FMN1: variants seen among roughly 807,000 people sequenced by gnomAD.
FMN1 encodes the protein formin-1.
FMN1 carries 110 observed loss-of-function variants against 132.4 expected under a neutral mutation model. That is an observed-to-expected ratio of 0.83 (90% CI 0.71 to 0.97). The LOEUF is 0.97. FMN1 is among the 50% of genes least tolerant of loss of function. FMN1 has a pLI of 0.00. For missense variants in FMN1, 1,792 were observed against 1,705.3 expected (o/e 1.05, Z -0.90); for synonymous variants, 722 against 651.7 (o/e 1.11, Z -1.64).
chr15:33,076,457 A>G, intron 5 of FMN1, among the ~76,000 whole-genome samples: 1 of 152,182 alleles, frequency 6.6e-6, no homozygotes, highest in East Asian at 1.9e-4. Flanking sequence ...TCGAACTCCA[A>G]AGATCCAGGT....
intron 16 of FMN1, among the ~76,000 whole-genome samples, chr15:32,864,100 A>G (rs1257699617): frequency 6.6e-6 from 1 of 152,218 alleles, no homozygotes; most frequent in Non-Finnish European, 1.5e-5. Context: ...TTTTGTGGCT[A>G]TCTACTGTAC....
chr15:32,963,286 T>C lies in FMN1; in HGVS notation c.3138+821A>G, dbSNP rs889154745. Among the ~76,000 whole-genome samples, 37 of 139,994 alleles carry C rather than the reference T, an allele frequency of 2.6e-4. No homozygotes were observed. In the Admixed American group the frequency reaches 3.1e-3, roughly 12 times the overall value. 91.8% of individuals were successfully genotyped at this position (139,994 alleles called of 152,430 possible). On this transcript the variant is annotated intron_variant, in intron 9 of 20. Coordinates refer to ENST00000616417, the MANE Select transcript of FMN1 (RefSeq NM_001277313.2). ...CATATTCTCACTCATAGGTGGATAC[T>C]GAACAATGAGAACACGTGGACACAG...
rs117451140 is a variant in FMN1 at position 32,815,277 on chromosome 15, T to C, written c.3929-10945A>G. Reference sequence around the variant, plus strand: ...TTTTTATTTCTTCTTTAAAGTAGTGTTCTTCAAAAGCAACTCTCATTTTTT... The same window carrying C: ...TTTTTATTTCTTCTTTAAAGTAGTGCTCTTCAAAAGCAACTCTCATTTTTT... On this transcript the variant is annotated intron_variant, in intron 17 of 20. Transcript: ENST00000616417. 3.8e-3 allele frequency among the ~76,000 whole-genome samples: 584 copies of C among 152,276 alleles called. 22 individuals carry two copies. In the East Asian group the frequency reaches 0.084, roughly 22 times the overall value.
Position 33,004,888 on chromosome 15 carries a change from G to A in FMN1, c.2223+3126C>T, listed in dbSNP as rs542076883. Among the ~76,000 whole-genome samples the A allele has an allele frequency of 8.9e-3, 1,351 of 152,216 alleles. 26 individuals are homozygous for A. Among genetic ancestry groups the A allele is most frequent in the African/African-American group, 0.031 (1,288 of 41,508 alleles). On this transcript the variant is annotated intron_variant, in intron 7 of 20. Coordinates refer to ENST00000616417, the MANE Select transcript of FMN1 (RefSeq NM_001277313.2). ...AAATGATGAGTTCATGTCCTTTGTA[G>A]GGACATGGATGAAGCTGGAAACCAT... is the stretch of plus-strand genomic sequence containing the variant.
chr15:32,832,040 A>G (rs1435880767), intron 17 of FMN1, among the ~76,000 whole-genome samples: 3 of 152,316 alleles, frequency 2.0e-5, no homozygotes, highest in South Asian at 2.1e-4. Context: ...GACCAACAAT[A>G]TAGAGTTCCT....
intron 4 of FMN1, among the ~76,000 whole-genome samples, chr15:33,105,431 G>C (rs545703768): frequency 6.6e-6 from 1 of 152,172 alleles, no homozygotes; most frequent in Admixed American, 6.5e-5. Context: ...TAATTTAGCA[G>C]AAGACTCCCA....
chr15:32,938,228 G>C (rs962258226), intron 9 of FMN1, among the ~76,000 whole-genome samples: 1 of 151,896 alleles, frequency 6.6e-6, no homozygotes, highest in South Asian at 2.1e-4. Flanking sequence ...AGGACAATTA[G>C]AAATCATCCA....
At chr15:33,074,711 T>C (rs551301660) in intron 5 of FMN1, among the ~76,000 whole-genome samples, 1 of 152,124 alleles carries the variant, frequency 6.6e-6, no homozygotes, top group Admixed American at 6.5e-5. Context: ...ACGGGCAGTG[T>C]GCATAGTTAA....
intron 17 of FMN1, among the ~76,000 whole-genome samples, chr15:32,840,720 T>C (rs1211435162): frequency 1.3e-5 from 2 of 151,452 alleles, no homozygotes; most frequent in African/African-American, 2.4e-5. Flanking sequence ...GAGGGGAGGG[T>C]ATGGAAATGG....
intron 6 of FMN1, among the ~76,000 whole-genome samples, chr15:33,046,259 A>C (rs1177011903): frequency 6.6e-6 from 1 of 152,168 alleles, no homozygotes; most frequent in African/African-American, 2.4e-5. Context: ...GGAAGCAGCG[A>C]GTCTTACAGA....
chr15:33,145,328 C>T (rs886857538), intron 4 of FMN1, among the ~76,000 whole-genome samples: 2 of 151,860 alleles, frequency 1.3e-5, no homozygotes, highest in Non-Finnish European at 2.9e-5. Context: ...ATCAATAAAA[C>T]CACACTGGAT....
At chr15:32,884,367 C>T (rs561779810) in intron 16 of FMN1, among the ~76,000 whole-genome samples, 7 of 152,114 alleles carry the variant, frequency 4.6e-5, no homozygotes, top group African/African-American at 7.2e-5. Flanking sequence ...TCAAAGCCAG[C>T]GACATTACAT....
chr15:32,974,452 C>T (rs991566454), intron 7 of FMN1, among the ~76,000 whole-genome samples: 8 of 152,192 alleles, frequency 5.3e-5, no homozygotes, highest in African/African-American at 1.9e-4. Context: ...AACTTACTAG[C>T]TTTGAGAGGA....
At chr15:32,827,853 A>C (rs2058407990) in intron 17 of FMN1, among the ~76,000 whole-genome samples, 6 of 150,746 alleles carry the variant, frequency 4.0e-5, no homozygotes. Context: ...CAAGAAAAAA[A>C]AAAAAAGGAC....
intron 6 of FMN1, among the ~76,000 whole-genome samples, chr15:33,019,333 TAC>T (rs1400281447): frequency 6.6e-6 from 1 of 152,128 alleles, no homozygotes; most frequent in Non-Finnish European, 1.5e-5. Flanking sequence ...TTGAGCTAGA[TAC>T]AGAGTGCCAA....
intron 6 of FMN1, among the ~76,000 whole-genome samples, chr15:33,018,261 T>C (rs1371031417): frequency 2.6e-5 from 4 of 152,008 alleles, no homozygotes; most frequent in African/African-American, 9.7e-5. Flanking sequence ...CCTTACACTT[T>C]CCAAAGTGAT....
chr15:33,059,683 A>T (rs911691535), intron 6 of FMN1, among the ~76,000 whole-genome samples: 1 of 152,232 alleles, frequency 6.6e-6, no homozygotes, highest in Non-Finnish European at 1.5e-5. Context: ...CAGAGTATTA[A>T]TAAGTTATGT....
rs543005648 is a variant in FMN1 at position 33,041,561 on chromosome 15, C to T, written c.2161+23396G>A. ...ATCTGATTAAAAAATAGGCAAAGGA[C>T]TTCAATAGACCTTTCTTCCAAGAAG... On this transcript the variant is annotated intron_variant, in intron 6 of 20. Coordinates refer to ENST00000616417, the MANE Select transcript of FMN1 (RefSeq NM_001277313.2). Among the ~76,000 whole-genome samples the T allele has an allele frequency of 2.1e-4, 31 of 150,414 alleles. No homozygotes were observed. The South Asian group carries it at 6.3e-3, about 30-fold the overall frequency.
intron 9 of FMN1, among the ~76,000 whole-genome samples, chr15:32,944,601 CA>C (rs2061466966): frequency 6.6e-6 from 1 of 152,088 alleles, no homozygotes; most frequent in Admixed American, 6.6e-5. Context: ...GGCTCTTCAC[CA>C]AGAAATGTGA....
Sources: allele counts gnomAD v4.1 joint callset (sites outside exome capture counted in the v4.1 genomes callset), GRCh38; gene constraint gnomAD v4.1.1; transcripts MANE v1.5; gene names NCBI Gene and HGNC (gene_info 2026-07-23, HGNC 2026-07-21).